CERS6: variants seen among roughly 807,000 people sequenced by gnomAD.
The protein encoded by CERS6 is LAG1 homolog, ceramide synthase 6.
In CERS6, 26 loss-of-function variants were observed where a neutral mutation model predicts 56.8. The ratio of observed to expected loss-of-function variants is 0.46; its 90% CI spans 0.34 to 0.63. CERS6 has a LOEUF of 0.63. Ranked by LOEUF, CERS6 falls within the 30% of genes least tolerant of loss-of-function variation. The pLI, the probability that CERS6 is intolerant of heterozygous loss-of-function variation, is 0.01. For missense variants in CERS6, 415 were observed against 467.5 expected (o/e 0.89, Z 1.04); for synonymous variants, 164 against 173.3 (o/e 0.95, Z 0.42).
rs761146038 is a variant in CERS6, at chr2:168,456,444, G to A, written c.-5G>A. 6.2e-7 allele frequency: 1 copy of A among 1,612,192 alleles called. No individual in the cohort carries two copies. Among genetic ancestry groups the A allele is most frequent in the Non-Finnish European group, 8.5e-7 (1 of 1,178,946 alleles). ...GTGCCGCAGGACAGGAGTGGACAAAGCAAGATGGCAGGGATCTTAGCCTGG... is the reference window on the plus strand; with the variant it reads ...GTGCCGCAGGACAGGAGTGGACAAAACAAGATGGCAGGGATCTTAGCCTGG... On this transcript the variant is annotated 5_prime_UTR_variant, in exon 1 of 10. Coordinates refer to ENST00000305747, the MANE Select transcript of CERS6 (RefSeq NM_203463.3). This position sits in a 1 kb window ranked among gnomAD's most constrained non-coding sequence, Gnocchi z 4.1.
intron 1 of CERS6, among the ~76,000 whole-genome samples, chr2:168,508,377 G>A (rs1422654300): frequency 6.6e-6 from 1 of 152,132 alleles, no homozygotes; most frequent in Non-Finnish European, 1.5e-5. Context: ...TGCATCCTCA[G>A]GCCAACATAT....
chr2:168,462,466 G>T (rs1055057141), intron 1 of CERS6, among the ~76,000 whole-genome samples: 8 of 151,706 alleles, frequency 5.3e-5, no homozygotes, highest in Admixed American at 5.2e-4. Context: ...AGTTTTTTTT[G>T]GTCTCTCTTT....
At chr2:168,464,628 G>C (rs570269351) in intron 1 of CERS6, among the ~76,000 whole-genome samples, 1 of 151,988 alleles carries the variant, frequency 6.6e-6, no homozygotes, top group South Asian at 2.1e-4. Flanking sequence ...AGAGAGAAAG[G>C]GCTGGGAGGA....
intron 1 of CERS6, among the ~76,000 whole-genome samples, chr2:168,495,888 T>G (rs1044058671): frequency 6.6e-6 from 1 of 152,190 alleles, no homozygotes; most frequent in Non-Finnish European, 1.5e-5. Context: ...ATTCAACAGG[T>G]ACAAAAAGGT....
At chr2:168,484,806 T>C (rs1694246696) in intron 1 of CERS6, among the ~76,000 whole-genome samples, 1 of 152,198 alleles carries the variant, frequency 6.6e-6, no homozygotes, top group African/African-American at 2.4e-5. Flanking sequence ...ATTTTCAGCC[T>C]TGTGAATACT....
chr2:168,521,510 A>G (rs1205050941), intron 1 of CERS6, among the ~76,000 whole-genome samples: 1 of 151,844 alleles, frequency 6.6e-6, no homozygotes, highest in East Asian at 1.9e-4. Context: ...GGAGGAGGGG[A>G]GGGAGGGGGC....
chr2:168,603,529 A>G (rs1363199903), intron 3 of CERS6, among the ~76,000 whole-genome samples: 3 of 152,240 alleles, frequency 2.0e-5, no homozygotes, highest in Admixed American at 6.5e-5. Flanking sequence ...TTTAATGTTC[A>G]TGATTAAACT....
chr2:168,507,036 C>CTG (rs369694778), intron 1 of CERS6, among the ~76,000 whole-genome samples: 39 of 151,186 alleles, frequency 2.6e-4, no homozygotes, highest in East Asian at 2.5e-3. Flanking sequence ...CATGTGTGCA[C>CTG]TGTGTGTGTG....
chr2:168,466,010 CTT>C (rs35424614), intron 1 of CERS6, among the ~76,000 whole-genome samples: 35 of 144,068 alleles, frequency 2.4e-4, no homozygotes, highest in Non-Finnish European at 2.4e-4. Flanking sequence ...TCAAGCACTG[CTT>C]TTTTTTTTTT....
At chr2:168,764,894 C>T (rs1412651897) in intron 8 of CERS6, among the ~76,000 whole-genome samples, 5 of 152,164 alleles carry the variant, frequency 3.3e-5, no homozygotes, top group Non-Finnish European at 2.9e-5. Flanking sequence ...CCGAAAGATA[C>T]ATACTCAGAG....
At chr2:168,603,336 AAGTG>A (rs1191502485) in intron 3 of CERS6, among the ~76,000 whole-genome samples, 1 of 152,190 alleles carries the variant, frequency 6.6e-6, no homozygotes, top group Non-Finnish European at 1.5e-5. Context: ...TGAGGGAGGT[AAGTG>A]AGGGATCTGA....
chr2:168,528,380 C>T (rs891029382), intron 1 of CERS6, among the ~76,000 whole-genome samples: 1 of 152,226 alleles, frequency 6.6e-6, no homozygotes, highest in Admixed American at 6.5e-5. Context: ...CCAGTCCCTA[C>T]TCTTCCTCCC....
intron 1 of CERS6, among the ~76,000 whole-genome samples, chr2:168,512,150 G>A (rs1274411141): frequency 6.6e-6 from 1 of 152,200 alleles, no homozygotes; most frequent in Non-Finnish European, 1.5e-5. Flanking sequence ...GAGACAGAGA[G>A]TAGAATGCTG....
chr2:168,566,268 C>T (rs970624159), intron 3 of CERS6, among the ~76,000 whole-genome samples: 3 of 152,154 alleles, frequency 2.0e-5, no homozygotes, highest in African/African-American at 7.2e-5. Context: ...TTGGAGCTTA[C>T]TCCCTATGCT....
intron 6 of CERS6, among the ~76,000 whole-genome samples, chr2:168,702,733 T>G (rs1054049288): frequency 1.2e-4 from 19 of 152,238 alleles, no homozygotes; most frequent in African/African-American, 4.3e-4. Flanking sequence ...TTTATTGATA[T>G]GATTTTAGAT....
At chr2:168,573,658 A>C (rs1005733704) in intron 3 of CERS6, among the ~76,000 whole-genome samples, 2 of 152,012 alleles carry the variant, frequency 1.3e-5, no homozygotes, top group African/African-American at 4.8e-5. Flanking sequence ...TGCCTTATTT[A>C]GGACCTTTGG....
chr2:168,652,988 G>T (rs1685382682), intron 4 of CERS6, among the ~76,000 whole-genome samples: 1 of 152,174 alleles, frequency 6.6e-6, no homozygotes. Context: ...CCAACAATCA[G>T]CATTTATACG....
In CERS6 at chr2:168,581,022, C is replaced by T. The variant is rs1390919836; in HGVS notation, c.407+19700C>T. Among the ~76,000 whole-genome samples the T allele has an allele frequency of 1.1e-4, 16 of 143,538 alleles. No homozygotes were observed. The South Asian group carries it at 1.5e-3, about 14-fold the overall frequency. 94.2% of individuals were successfully genotyped at this position (143,538 alleles called of 152,430 possible). A position where few individuals can be genotyped will look rare whatever the true frequency, so the allele number is the denominator to read the frequency against. Reference sequence around the variant, plus strand: ...AATCTATGAATCTATGGATTGCTATCTTTTTTTTTTTTTTGAGATGGAGTC... The same window carrying T: ...AATCTATGAATCTATGGATTGCTATTTTTTTTTTTTTTTTGAGATGGAGTC... On this transcript the variant is annotated intron_variant, in intron 3 of 9. Transcript: ENST00000305747.
At chr2:168,737,975 T>G (rs1248958725) in intron 8 of CERS6, among the ~76,000 whole-genome samples, 1 of 152,214 alleles carries the variant, frequency 6.6e-6, no homozygotes, top group South Asian at 2.1e-4. Context: ...TCTGTACATA[T>G]ATATAGAGAG....
Sources: allele counts gnomAD v4.1 joint callset (sites outside exome capture counted in the v4.1 genomes callset), GRCh38; gene constraint gnomAD v4.1.1; non-coding constraint Gnocchi (gnomAD v3.1); transcripts MANE v1.5; gene names NCBI Gene and HGNC (gene_info 2026-07-23, HGNC 2026-07-21).